The following CTCFL variants were observed in gnomAD, a reference collection of about 807,000 sequenced individuals.
CTCFL encodes CCCTC-binding factor like.
Under a neutral mutation model 67.4 loss-of-function variants are expected in CTCFL, and 36 were observed. That is an observed-to-expected ratio of 0.53 (90% CI 0.41 to 0.71). The LOEUF (loss-of-function observed/expected upper bound fraction) is 0.71, where lower values mean the gene tolerates loss of function less well. CTCFL is among the 30% of genes least tolerant of loss of function. CTCFL has a pLI of 0.00. For synonymous variants in CTCFL, 324 were observed against 302.3 expected, an observed-to-expected ratio of 1.07 and a Z score of -0.75; for missense variants, 786 against 835.2, an observed-to-expected ratio of 0.94 and a Z score of 0.73.
intron 3 of CTCFL, 54 bp downstream of exon 3, chr20:57,523,014 G>T: frequency 6.9e-7 from 1 of 1,439,904 alleles, no homozygotes; most frequent in Non-Finnish European, 9.5e-7. Context: ...TGCCCATAAA[G>T]AAAAACAGCA....
Position 57,508,795 on chromosome 20 carries a change from G to A in CTCFL, c.1492-7C>T, listed in dbSNP as rs771028507. 2.5e-6 allele frequency: 4 copies of A among 1,613,066 alleles called. No homozygotes were observed. Among genetic ancestry groups the A allele is most frequent in the Non-Finnish European group, 3.4e-6 (4 of 1,179,218 alleles). On this transcript the variant is annotated splice_region_variant and splice_polypyrimidine_tract_variant and intron_variant, in intron 8 of 10. Coordinates refer to ENST00000243914, the MANE Select transcript of CTCFL (RefSeq NM_001386993.1). The stretch of plus-strand genomic sequence containing the variant: ...GAGCGGTCATATGACGTTCCTAAGA[G>A]GGAAGGGGAAGAAAGCAGCTTGTCT...
chr20:57,515,692 C>T (rs574158294), intron 6 of CTCFL, 22 bp downstream of exon 6: 8 of 1,614,106 alleles, frequency 5.0e-6, no homozygotes, highest in Non-Finnish European at 6.8e-6. Flanking sequence ...AGGTATCAGG[C>T]CTTCAGCACC....
At chr20:57,501,531 T>C (rs542196104) in intron 10 of CTCFL, among the ~76,000 whole-genome samples, 2 of 152,192 alleles carry the variant, frequency 1.3e-5, no homozygotes, top group Non-Finnish European at 2.9e-5. Context: ...TACAACATCA[T>C]TGGTATAAAG....
intron 3 of CTCFL, among the ~76,000 whole-genome samples, chr20:57,522,797 G>C (rs2069481557): frequency 6.6e-6 from 1 of 152,188 alleles, no homozygotes; most frequent in Non-Finnish European, 1.5e-5. Context: ...TGCAAACTAG[G>C]CAGCAGAGAC....
At chr20:57,517,733 C>CCCCT (rs2069031488) in intron 5 of CTCFL, among the ~76,000 whole-genome samples, 1 of 151,898 alleles carries the variant, frequency 6.6e-6, no homozygotes, top group Non-Finnish European at 1.5e-5. Flanking sequence ...GCAATAGAGA[C>CCCCT]CCCTGTGCTG....
chr20:57,515,679 T>C (rs751574482), intron 6 of CTCFL, 35 bp downstream of exon 6: 5 of 1,614,082 alleles, frequency 3.1e-6, no homozygotes, highest in Middle Eastern at 3.3e-4. Context: ...GAGTTAACAC[T>C]GTAGGTATCA....
chr20:57,515,521 G>T, intron 6 of CTCFL, 193 bp downstream of exon 6: 1 of 630,042 alleles, frequency 1.6e-6, no homozygotes, highest in Non-Finnish European at 2.7e-6. Context: ...TGGGGTTGTG[G>T]CACAGTATCT....
intron 9 of CTCFL, among the ~76,000 whole-genome samples, chr20:57,506,232 AT>A (rs1424285857): frequency 6.6e-6 from 1 of 152,110 alleles, no homozygotes; most frequent in Non-Finnish European, 1.5e-5. Context: ...TGCCCTGGTG[AT>A]TAATGACGCT....
chr20:57,498,847 T>C (rs916501171), intron 10 of CTCFL, 146 bp from the exon 11 acceptor site: 2 of 710,822 alleles, frequency 2.8e-6, no homozygotes, highest in African/African-American at 3.5e-5. Context: ...GATAAGATGG[T>C]ACTATTCTGA....
rs1251909097 is a variant in CTCFL at position 57,497,778 on chromosome 20, A to G, written c.*772T>C. On this transcript the variant is annotated 3_prime_UTR_variant, in exon 11 of 11. Transcript: ENST00000243914. The stretch of plus-strand genomic sequence containing the variant: ...GCAGAAAAAAGGGTTATGGAGTGAA[A>G]TACTAATAAGCAATAATGGAATGTA... 1 of 985,064 alleles carries G rather than the reference A, an allele frequency of 1.0e-6. No homozygotes were observed. Among genetic ancestry groups the G allele is most frequent in the South Asian group, 4.7e-5 (1 of 21,280 alleles). 61.0% of individuals were successfully genotyped at this position (985,064 alleles called of 1,614,324 possible). A position where few individuals can be genotyped will look rare whatever the true frequency, so the allele number is the denominator to read the frequency against.
chr20:57,505,460 G>A (rs1272999810), intron 9 of CTCFL, among the ~76,000 whole-genome samples: 2 of 151,862 alleles, frequency 1.3e-5, no homozygotes, highest in Non-Finnish European at 2.9e-5. Flanking sequence ...GTTTCACCAT[G>A]TTAGCCAGGA....
intron 4 of CTCFL, 107 bp from the exon 5 acceptor site, chr20:57,518,998 TAAG>T (rs1371367042): frequency 1.5e-6 from 2 of 1,353,008 alleles, no homozygotes; most frequent in East Asian, 2.3e-5. Flanking sequence ...CTTTAAAAAT[TAAG>T]AAGAGGCTCC....
intron 8 of CTCFL, among the ~76,000 whole-genome samples, chr20:57,509,457 C>G (rs2068417947): frequency 6.6e-6 from 1 of 151,872 alleles, no homozygotes; most frequent in Non-Finnish European, 1.5e-5. Flanking sequence ...GAGACAGGGT[C>G]TCACTATGTT....
chr20:57,507,040 G>A (rs894654099), intron 9 of CTCFL: 7 of 985,810 alleles, frequency 7.1e-6, no homozygotes, highest in Non-Finnish European at 8.4e-6. Flanking sequence ...AAGTTAGGCT[G>A]AAGCCTACAT....
chr20:57,523,051 G>C lies in CTCFL; in HGVS notation c.754+17C>G. 6.2e-7 allele frequency: 1 copy of C among 1,603,156 alleles called. No homozygotes were observed. The highest frequency in any genetic ancestry group is 8.5e-7 in the Non-Finnish European group (1 of 1,172,126). On this transcript the variant is annotated intron_variant, in intron 3 of 10. Transcript: ENST00000243914. ...CCCAGTTTTAGGGAGTGTATTCTATGAGATGAACTGGCCTACCCTTTGTCT... is the reference window on the plus strand; with the variant it reads ...CCCAGTTTTAGGGAGTGTATTCTATCAGATGAACTGGCCTACCCTTTGTCT...
downstream of CTCFL, among the ~76,000 whole-genome samples, chr20:57,496,760 T>G (rs142656522): frequency 7.2e-5 from 11 of 152,370 alleles, no homozygotes; most frequent in East Asian, 1.9e-3. Flanking sequence ...TCCCCCATGT[T>G]GTAGCATGTG....
At chr20:57,505,023 C>T (rs1049437712) in intron 9 of CTCFL, among the ~76,000 whole-genome samples, 3 of 151,854 alleles carry the variant, frequency 2.0e-5, no homozygotes, top group Non-Finnish European at 4.4e-5. Flanking sequence ...CAAGCAGACC[C>T]CAGTTTGGTT....
intron 9 of CTCFL, among the ~76,000 whole-genome samples, chr20:57,504,780 ACT>A (rs962591669): frequency 6.6e-6 from 1 of 151,780 alleles, no homozygotes; most frequent in Non-Finnish European, 1.5e-5. Context: ...CAGAGCTAAT[ACT>A]CTTTTCTCAA....
chr20:57,502,919 G>C (rs188746905), intron 10 of CTCFL, among the ~76,000 whole-genome samples: 4 of 152,212 alleles, frequency 2.6e-5, no homozygotes, highest in South Asian at 4.1e-4. Context: ...CCCACACACA[G>C]AAGAGAGGAG....
Sources: gnomAD v4.1 joint callset for allele counts (sites outside exome capture counted in the v4.1 genomes callset) on GRCh38, gnomAD v4.1.1 for gene constraint, MANE v1.5 for transcripts, NCBI Gene and HGNC (gene_info 2026-07-23, HGNC 2026-07-21) for gene names.